The following CPLANE1 variants were observed in gnomAD, a reference collection of about 807,000 sequenced individuals.
CPLANE1 encodes the protein ciliogenesis and planar polarity effector complex subunit 1.
A neutral mutation model predicts 362.5 loss-of-function variants in CPLANE1; 263 were observed. That is an observed-to-expected ratio of 0.73 (90% CI 0.66 to 0.80). The LOEUF (loss-of-function observed/expected upper bound fraction) is 0.80, where lower values mean the gene tolerates loss of function less well. CPLANE1 is among the 30% of genes least tolerant of loss of function. The probability of loss-of-function intolerance (pLI) is 0.00; values close to 1 mark genes in which losing one functional copy is unlikely to be tolerated. For missense variants in CPLANE1, 3,461 were observed against 3,793.4 expected, an observed-to-expected ratio of 0.91 and a Z score of 2.30; for synonymous variants, 1,212 against 1,302.6, an observed-to-expected ratio of 0.93 and a Z score of 1.50.
chr5:37,110,913 T>C (rs1759051448), intron 51 of CPLANE1, among the ~76,000 whole-genome samples: 1 of 149,158 alleles, frequency 6.7e-6, no homozygotes, highest in Non-Finnish European at 1.5e-5. Context: ...GTTCACGCCA[T>C]TCTTCTGCCT....
At position 37,158,431 on chromosome 5, in the gene CPLANE1, G is replaced by A. The variant is rs910522836; in HGVS notation, c.7691-86C>T. On this transcript the variant is annotated intron_variant, in intron 38 of 52. Coordinates refer to ENST00000651892, the MANE Select transcript of CPLANE1 (RefSeq NM_001384732.1). ...TCATCAGCTTTGTATGAACAAGTTAGCAACAAACAACATAAATTGTACTTC... is the reference window on the plus strand; with the variant it reads ...TCATCAGCTTTGTATGAACAAGTTAACAACAAACAACATAAATTGTACTTC... 19 of 1,287,236 alleles carry A rather than the reference G, an allele frequency of 1.5e-5. No individual in the cohort carries two copies. The African/African-American group carries it at 2.8e-4, about 19-fold the overall frequency. 79.7% of individuals were successfully genotyped at this position (1,287,236 alleles called of 1,614,324 possible).
chr5:37,179,354 G>T lies in CPLANE1; in HGVS notation c.5820+7C>A. The T allele has an allele frequency of 6.4e-7, 1 of 1,558,932 alleles. No homozygotes were observed. The highest frequency in any genetic ancestry group is 1.1e-5 in the South Asian group (1 of 87,756). On this transcript the variant is annotated splice_region_variant and intron_variant, in intron 29 of 52. Transcript: ENST00000651892. Reference sequence around the variant, plus strand: ...AGAATAATTATATCCACTATTTATTGACTTACTTCTTCTAACTGCTGTGGT... The same window carrying T: ...AGAATAATTATATCCACTATTTATTTACTTACTTCTTCTAACTGCTGTGGT...
chr5:37,129,912 G>T (rs188835174), intron 46 of CPLANE1, among the ~76,000 whole-genome samples: 1 of 152,140 alleles, frequency 6.6e-6, no homozygotes, highest in Non-Finnish European at 1.5e-5. Context: ...CAGAGGAAAA[G>T]AAGTCATTAT....
intron 8 of CPLANE1, among the ~76,000 whole-genome samples, chr5:37,237,677 T>G (rs1341154354): frequency 6.6e-6 from 1 of 151,858 alleles, no homozygotes; most frequent in Admixed American, 6.6e-5. Flanking sequence ...AAACCCCATC[T>G]CTACTAAAAA....
At chr5:37,144,953 A>T (rs1771079461) in intron 43 of CPLANE1, among the ~76,000 whole-genome samples, 1 of 152,144 alleles carries the variant, frequency 6.6e-6, no homozygotes, top group Non-Finnish European at 1.5e-5. Flanking sequence ...TTAAAAAATA[A>T]AAGGCAAGGG....
chr5:37,241,088 A>G (rs2150729132), intron 6 of CPLANE1, among the ~76,000 whole-genome samples: 1 of 152,066 alleles, frequency 6.6e-6, no homozygotes, highest in East Asian at 1.9e-4. Context: ...GTGAGCCGAG[A>G]TTACGTCACT....
Position 37,169,352 on chromosome 5 carries a change from G to C in CPLANE1, c.6672C>G (p.Gly2224=). Residue 2224 remains glycine, a synonymous_variant, in exon 34 of 53, where the codon GGC becomes GGG. Coordinates refer to ENST00000651892, the MANE Select transcript of CPLANE1 (RefSeq NM_001384732.1). ...TAGACTTAAATTGAAGCAAAGGAAA[G>C]CCATCACCAGGACTAAATGTTTTTG... ...PHAKTFSPGD[G]FPLLQFKSKQ... 6.2e-7 allele frequency: 1 copy of C among 1,614,180 alleles called. No homozygotes were observed. Among genetic ancestry groups the C allele is most frequent in the Non-Finnish European group, 8.5e-7 (1 of 1,180,032 alleles).
intron 15 of CPLANE1, among the ~76,000 whole-genome samples, chr5:37,218,257 T>C (rs887912562): frequency 2.0e-5 from 3 of 152,158 alleles, no homozygotes; most frequent in African/African-American, 7.2e-5. Flanking sequence ...TCTGAGAGTG[T>C]AGAATTTTGG....
chr5:37,177,787 C>T (rs1226818645), intron 29 of CPLANE1, 87 bp from the exon 30 acceptor site: 1 of 991,126 alleles, frequency 1.0e-6, no homozygotes, highest in Non-Finnish European at 1.6e-6. Flanking sequence ...ATATTAGCCA[C>T]TTAACCAGAG....
At chr5:37,094,746 G>C in the CPLANE1 span, among the ~76,000 whole-genome samples, 2 of 152,074 alleles carry the variant, frequency 1.3e-5, no homozygotes, top group African/African-American at 4.8e-5. Context: ...AATGAAACAG[G>C]AGATATTACA....
chr5:37,089,026 G>A, the CPLANE1 span, among the ~76,000 whole-genome samples: 1,041 of 152,176 alleles, frequency 6.8e-3, 9 homozygotes, highest in African/African-American at 0.024. Flanking sequence ...AGGAAAGGGG[G>A]AAGGGAAGTT....
At chr5:37,178,907 G>A (rs948414693) in intron 29 of CPLANE1, among the ~76,000 whole-genome samples, 4 of 151,970 alleles carry the variant, frequency 2.6e-5, no homozygotes, top group South Asian at 4.1e-4. Flanking sequence ...TACTACAGGC[G>A]CATGCCACCA....
chr5:37,205,556 AT>A, intron 17 of CPLANE1, 102 bp from the exon 18 acceptor site: 1 of 809,302 alleles, frequency 1.2e-6, no homozygotes, highest in Non-Finnish European at 1.9e-6. Context: ...AAACAATGGA[AT>A]TTACTTTTTT....
intron 8 of CPLANE1, among the ~76,000 whole-genome samples, chr5:37,236,723 CA>C (rs544613605): frequency 1.6e-3 from 165 of 102,532 alleles, no homozygotes; most frequent in Non-Finnish European, 1.6e-3. Context: ...ACTCAACAAG[CA>C]AAAAAAAAAA....
rs978740004 is a variant in CPLANE1 at position 37,209,688 on chromosome 5, C to A, written c.2921-3263G>T. ...GGCAAAAGAAAAGGTATTTACTATG[C>A]AGGATCTATTACAACTCATTAAAAT... On this transcript the variant is annotated intron_variant, in intron 16 of 52. Transcript: ENST00000651892. The surrounding 1 kb of genome is among the most constrained non-coding windows in gnomAD (Gnocchi z 4.6). 3.9e-6 allele frequency: 5 copies of A among 1,272,248 alleles called. No homozygotes were observed. Among genetic ancestry groups the A allele is most frequent in the African/African-American group, 2.9e-5 (2 of 68,262 alleles). The allele number at this position is 1,272,248 out of a possible 1,614,324, so 78.8% of individuals were successfully genotyped here. A position where few individuals can be genotyped will look rare whatever the true frequency, so the allele number is the denominator to read the frequency against.
rs915597452 is a variant in CPLANE1 at position 37,209,740 on chromosome 5, C to T, written c.2921-3315G>A. 10 of 1,212,054 alleles carry T rather than the reference C, an allele frequency of 8.3e-6. No homozygotes were observed. The South Asian group carries it at 1.2e-4, about 15-fold the overall frequency. The allele number at this position is 1,212,054 out of a possible 1,614,324, so 75.1% of individuals were successfully genotyped here. On this transcript the variant is annotated intron_variant, in intron 16 of 52. Coordinates refer to ENST00000651892, the MANE Select transcript of CPLANE1 (RefSeq NM_001384732.1). The surrounding 1 kb of genome is among the most constrained non-coding windows in gnomAD (Gnocchi z 4.6). ...AACCCTACTTCCAGTCTGTACAAAT[C>T]ACTGGTTTCAGGAGCTGATAAAGAA...
In CPLANE1 at chr5:37,201,810, T is replaced by C. The variant is rs606231260; in HGVS notation, c.3290-2A>G. The C allele has an allele frequency of 1.3e-6, 2 of 1,589,090 alleles. No individual in the cohort carries two copies. The highest frequency in any genetic ancestry group is 1.7e-5 in the Admixed American group (1 of 57,530). On this transcript the variant is annotated splice_acceptor_variant, in intron 18 of 52. Coordinates refer to ENST00000651892, the MANE Select transcript of CPLANE1 (RefSeq NM_001384732.1). LOFTEE classifies it high-confidence loss of function. ...TTGCATCTTCCTCTTCAATGGGATCTATCAAATACAAAAATTTGGTAAAAT... is the reference window on the plus strand; with the variant it reads ...TTGCATCTTCCTCTTCAATGGGATCCATCAAATACAAAAATTTGGTAAAAT...
rs1057519066 is a variant in CPLANE1, at chr5:37,226,515, T to C, written c.2080A>G (p.Met694Val). 1 of 1,548,486 alleles carries C rather than the reference T, an allele frequency of 6.5e-7. No individual in the cohort carries two copies. The highest frequency in any genetic ancestry group is 2.4e-5 in the East Asian group (1 of 40,836). ...KLLACFYLLK[M>V]VADNLNGVYI... is the part of the protein sequence containing the mutation. Reference sequence around the variant, plus strand: ...ACACCATTTAAATTGTCAGCTACCATTTTGAGTAAATAAAAACAAGCTAAA... The same window carrying C: ...ACACCATTTAAATTGTCAGCTACCACTTTGAGTAAATAAAAACAAGCTAAA... Residue 694 changes from methionine (M) to valine (V), a missense_variant, in exon 12 of 53, where the codon ATG becomes GTG. Physicochemically the swap from Met to Val is conservative, Grantham distance 21. Around this residue, in one of 2 missense-constraint regions of CPLANE1, gnomAD observed 3,380 missense variants for 3,666.1 expected, o/e 0.92. Coordinates refer to ENST00000651892, the MANE Select transcript of CPLANE1 (RefSeq NM_001384732.1).
intron 51 of CPLANE1, among the ~76,000 whole-genome samples, chr5:37,112,128 A>G (rs938181499): frequency 2.0e-5 from 3 of 152,248 alleles, no homozygotes; most frequent in African/African-American, 7.2e-5. Context: ...GCATCTAGAC[A>G]TCGACATTCT....
Sources: allele counts gnomAD v4.1 joint callset (sites outside exome capture counted in the v4.1 genomes callset), GRCh38; gene constraint gnomAD v4.1.1; regional missense constraint gnomAD v4.1.1; non-coding constraint Gnocchi (gnomAD v3.1); transcripts MANE v1.5; gene names NCBI Gene and HGNC (gene_info 2026-07-23, HGNC 2026-07-21).